DRC3: variants seen among roughly 807,000 people sequenced by gnomAD.
DRC3 encodes dynein regulatory complex subunit 3.
In DRC3, 45 loss-of-function variants were observed where a neutral mutation model predicts 57.6. The ratio of observed to expected loss-of-function variants is 0.78; its 90% confidence interval spans 0.62 to 1.00. DRC3 has a LOEUF of 1.00. Ranked by LOEUF, DRC3 falls within the 50% of genes least tolerant of loss-of-function variation. The pLI, the probability that DRC3 is intolerant of heterozygous loss-of-function variation, is 0.00. For synonymous variants in DRC3, 257 were observed against 272.3 expected, an observed-to-expected ratio of 0.94 and a Z score of 0.55; for missense variants, 655 against 675.2, an observed-to-expected ratio of 0.97 and a Z score of 0.33.
chr17:17,990,095 T>G (rs1044477573), intron 5 of DRC3, among the ~76,000 whole-genome samples: 4 of 152,200 alleles, frequency 2.6e-5, no homozygotes, highest in Admixed American at 2.0e-4. Context: ...CGGGCTTCCT[T>G]GTCTGCATCT....
At chr17:17,994,604 C>T (rs1476426341) in intron 7 of DRC3, among the ~76,000 whole-genome samples, 186 bp downstream of exon 7, 1 of 152,226 alleles carries the variant, frequency 6.6e-6, no homozygotes, top group Non-Finnish European at 1.5e-5. Context: ...AGCTCCGTCT[C>T]AGTCCAGACC....
chr17:18,008,662 G>T lies in DRC3; in HGVS notation c.1326+1515G>T, dbSNP rs2044063971. Among the ~76,000 whole-genome samples the T allele has an allele frequency of 6.6e-6, 1 of 152,178 alleles. No homozygotes were observed. The highest frequency in any genetic ancestry group is 1.5e-5 in the Non-Finnish European group (1 of 68,022). ...ACCCAACATAGCAGTGTGGTGATAG[G>T]GTCACCGTGACACCAGCCTTCCCTC... On this transcript the variant is annotated intron_variant, in intron 12 of 13. Coordinates refer to ENST00000399187, the MANE Select transcript of DRC3 (RefSeq NM_031294.4). The surrounding 1 kb of genome is among the most constrained non-coding windows in gnomAD (Gnocchi z 4.3).
At chr17:17,976,198 A>AATCAGGGG (rs746121563) in intron 2 of DRC3, among the ~76,000 whole-genome samples, 7 of 152,164 alleles carry the variant, frequency 4.6e-5, no homozygotes, top group Non-Finnish European at 1.0e-4. Flanking sequence ...GGGAGGCAAG[A>AATCAGGGG]ATCAGGGGTG....
intron 6 of DRC3, chr17:17,993,171 C>G (rs2043307637): frequency 2.6e-6 from 1 of 378,098 alleles, no homozygotes. Flanking sequence ...CCATCCTGCA[C>G]TGTCTAGTTT....
chr17:18,014,309 C>T (rs973171272), intron 12 of DRC3, among the ~76,000 whole-genome samples: 1 of 152,188 alleles, frequency 6.6e-6, no homozygotes, highest in Non-Finnish European at 1.5e-5. Flanking sequence ...AGGGCAACAG[C>T]TCAAAAAAGA....
intron 5 of DRC3, chr17:17,988,305 C>A: frequency 1.7e-6 from 1 of 589,770 alleles, no homozygotes; most frequent in Non-Finnish European, 3.0e-6. Context: ...TCGGAGAGCA[C>A]TAGTTTACAA....
Position 18,016,543 on chromosome 17 carries a change from G to A in DRC3, c.1459-15G>A. On this transcript the variant is annotated splice_polypyrimidine_tract_variant and intron_variant, in intron 13 of 13. Coordinates refer to ENST00000399187, the MANE Select transcript of DRC3 (RefSeq NM_031294.4). The stretch of plus-strand genomic sequence containing the variant: ...GATCTGATGTAAGGAATCGGGCTTT[G>A]GTTTCACTCCTCAGATTCACAAGGA... 1 of 1,579,850 alleles carries A rather than the reference G, an allele frequency of 6.3e-7. No homozygotes were observed.
At chr17:18,004,196 G>A (rs979387885) in intron 9 of DRC3, among the ~76,000 whole-genome samples, 167 bp from the exon 10 acceptor site, 5 of 152,128 alleles carry the variant, frequency 3.3e-5, no homozygotes, top group African/African-American at 1.2e-4. Context: ...CATGGAGAGG[G>A]TAGGTAGCTT....
chr17:18,015,837 C>T (rs2044340723), intron 12 of DRC3: 2 of 486,758 alleles, frequency 4.1e-6, no homozygotes, highest in Non-Finnish European at 7.4e-6. Context: ...AAGTAACACC[C>T]TGGTTGGCCC....
At position 18,008,177 on chromosome 17, in the gene DRC3, C is replaced by T. The variant is rs1333528793; in HGVS notation, c.1326+1030C>T. 1.3e-5 allele frequency among the ~76,000 whole-genome samples: 2 copies of T among 152,196 alleles called. No individual in the cohort carries two copies. The highest frequency in any genetic ancestry group is 4.8e-5 in the African/African-American group (2 of 41,446). On this transcript the variant is annotated intron_variant, in intron 12 of 13. Coordinates refer to ENST00000399187, the MANE Select transcript of DRC3 (RefSeq NM_031294.4). The surrounding 1 kb of genome is among the most constrained non-coding windows in gnomAD (Gnocchi z 4.3). ...AGGCTTGCTCCTTTCAGTTGATATT[C>T]CACCTGGCAGACACGCTCTTCCTAG...
At chr17:17,983,968 C>G (rs2042836447) in intron 4 of DRC3, 24 bp downstream of exon 4, 1 of 1,467,774 alleles carries the variant, frequency 6.8e-7, no homozygotes, top group South Asian at 1.1e-5. Flanking sequence ...CTCTGTGTGT[C>G]CACCCTAATC....
intron 9 of DRC3, among the ~76,000 whole-genome samples, chr17:18,003,668 A>T (rs1258591625): frequency 8.8e-6 from 1 of 113,808 alleles, no homozygotes; most frequent in Non-Finnish European, 1.7e-5. Flanking sequence ...TTTGAGACAG[A>T]GTCTCACTCT....
intron 4 of DRC3, among the ~76,000 whole-genome samples, chr17:17,986,180 G>T (rs776531374): frequency 6.6e-6 from 1 of 152,192 alleles, no homozygotes. Flanking sequence ...GCAAAGTGCC[G>T]GGATTATAGG....
At chr17:18,004,535 T>C (rs1568528128) in intron 10 of DRC3, 41 bp downstream of exon 10, 2 of 1,591,056 alleles carry the variant, frequency 1.3e-6, no homozygotes, top group Non-Finnish European at 1.7e-6. Context: ...AATCTGGCGA[T>C]GCAGCTGCAC....
At chr17:18,006,480 G>A in intron 11 of DRC3, 1 of 574,334 alleles carries the variant, frequency 1.7e-6, no homozygotes, top group Non-Finnish European at 3.1e-6. Flanking sequence ...ATGTTCACTA[G>A]GAAATGACGC....
At chr17:18,002,765 C>G (rs923627303) in intron 9 of DRC3, among the ~76,000 whole-genome samples, 1 of 152,096 alleles carries the variant, frequency 6.6e-6, no homozygotes, top group Non-Finnish European at 1.5e-5. Flanking sequence ...ACTGAGTCAG[C>G]GAATGAAAGT....
At chr17:17,993,570 T>A (rs1436712351) in intron 6 of DRC3, 1 of 152,548 alleles carries the variant, frequency 6.6e-6, no homozygotes, top group Non-Finnish European at 1.5e-5. Flanking sequence ...GGATTCACCC[T>A]AAGTTGGTGT....
intron 2 of DRC3, among the ~76,000 whole-genome samples, chr17:17,977,086 TGTG>T (rs753128935): frequency 1.3e-5 from 2 of 152,062 alleles, no homozygotes; most frequent in Non-Finnish European, 2.9e-5. Flanking sequence ...AGGAGAAGCT[TGTG>T]GTGTGGTGTG....
In DRC3 at chr17:17,977,706, G is replaced by A. The variant is rs1366518537; in HGVS notation, c.108G>A (p.Lys36=). The A allele has an allele frequency of 6.2e-7, 1 of 1,613,688 alleles. No individual in the cohort carries two copies. Among genetic ancestry groups the A allele is most frequent in the Non-Finnish European group, 8.5e-7 (1 of 1,179,786 alleles). Reference sequence around the variant, plus strand: ...AGGAGGAGGCCGGGCAGCTGGCCAAGCAGGAGGGCATCCTCTTCAAGGATG... The same window carrying A: ...AGGAGGAGGCCGGGCAGCTGGCCAAACAGGAGGGCATCCTCTTCAAGGATG... ...GPQEEAGQLA[K]QEGILFKDVL... Residue 36 remains lysine, a synonymous_variant, in exon 3 of 14, where the codon AAG becomes AAA. Coordinates refer to ENST00000399187, the MANE Select transcript of DRC3 (RefSeq NM_031294.4).
Sources: allele counts gnomAD v4.1 joint callset (sites outside exome capture counted in the v4.1 genomes callset), GRCh38; gene constraint gnomAD v4.1.1; non-coding constraint Gnocchi (gnomAD v3.1); transcripts MANE v1.5; gene names NCBI Gene and HGNC (gene_info 2026-07-23, HGNC 2026-07-21).